The following GRM7 variants were observed in gnomAD, a reference collection of about 807,000 sequenced individuals.
The protein encoded by GRM7 is glutamate metabotropic receptor 7, also known as metabotropic glutamate receptor 7.
Under a neutral mutation model 84.5 loss-of-function variants are expected in GRM7, and 35 were observed. That is an observed-to-expected ratio of 0.41 (90% CI 0.32 to 0.55). The LOEUF is 0.55. Ranked by LOEUF, GRM7 falls within the 20% of genes least tolerant of loss-of-function variation. The probability of loss-of-function intolerance (pLI) is 0.19; values close to 1 mark genes in which losing one functional copy is unlikely to be tolerated. For synonymous variants in GRM7, 487 were observed against 455.1 expected (o/e 1.07, Z -0.89); for missense variants, 1,003 against 1,194.6 (o/e 0.84, Z 2.36).
At chr3:7,488,549 C>T (rs1426182561) in intron 7 of GRM7, among the ~76,000 whole-genome samples, 3 of 152,132 alleles carry the variant, frequency 2.0e-5, no homozygotes, top group African/African-American at 7.2e-5. Context: ...GGCTGGCCCT[C>T]GTATTTGCTC....
intron 1 of GRM7, among the ~76,000 whole-genome samples, chr3:7,093,637 A>G (rs1698746120): frequency 7.5e-6 from 1 of 133,168 alleles, no homozygotes; most frequent in Admixed American, 9.0e-5. Flanking sequence ...AGATCACACC[A>G]CTGCACTCCA....
intron 7 of GRM7, among the ~76,000 whole-genome samples, chr3:7,490,477 AC>A (rs1257608068): frequency 6.6e-6 from 1 of 152,174 alleles, no homozygotes; most frequent in Non-Finnish European, 1.5e-5. Context: ...ATATTCTCTA[AC>A]TGGAAACTGA....
chr3:7,731,307 G>A (rs1039540943), intron 9 of GRM7, among the ~76,000 whole-genome samples: 16 of 151,932 alleles, frequency 1.1e-4, no homozygotes, highest in African/African-American at 3.9e-4. Flanking sequence ...AAAAAGGGAT[G>A]GAAAAAAAGG....
At chr3:7,679,786 A>C (rs2125140188) in intron 8 of GRM7, among the ~76,000 whole-genome samples, 1 of 152,336 alleles carries the variant, frequency 6.6e-6, no homozygotes, top group Non-Finnish European at 1.5e-5. Flanking sequence ...AAATATGATT[A>C]AAGGTTTACT....
intron 1 of GRM7, among the ~76,000 whole-genome samples, chr3:6,938,402 C>T (rs1484980488): frequency 6.6e-6 from 1 of 152,196 alleles, no homozygotes; most frequent in Non-Finnish European, 1.5e-5. Context: ...CCAGCTGTAA[C>T]TCCACTGCTC....
intron 4 of GRM7, among the ~76,000 whole-genome samples, chr3:7,394,681 C>A (rs1429452245): frequency 3.3e-5 from 5 of 151,978 alleles, no homozygotes; most frequent in African/African-American, 1.2e-4. Flanking sequence ...TATGATTTTT[C>A]AGCAACTTCG....
chr3:7,644,705 G>T (rs4686145), intron 8 of GRM7, among the ~76,000 whole-genome samples: 20,279 of 152,146 alleles, frequency 0.13, 1,706 homozygotes, highest in African/African-American at 0.23. Context: ...CATAGAAAAT[G>T]TTTTAGCCTC....
intron 1 of GRM7, among the ~76,000 whole-genome samples, chr3:7,090,105 A>G (rs1384098823): frequency 6.6e-6 from 1 of 152,178 alleles, no homozygotes; most frequent in East Asian, 1.9e-4. Flanking sequence ...AGCCTCCTAC[A>G]GTACTGGGAT....
At chr3:6,877,852 C>CAT (rs1322993182) in intron 1 of GRM7, among the ~76,000 whole-genome samples, 1 of 132,244 alleles carries the variant, frequency 7.6e-6, no homozygotes, top group Non-Finnish European at 1.6e-5. Flanking sequence ...CACACACACA[C>CAT]ATATGACTTC....
intron 1 of GRM7, among the ~76,000 whole-genome samples, chr3:7,143,245 A>T (rs948418590): frequency 1.3e-5 from 2 of 152,202 alleles, no homozygotes; most frequent in Non-Finnish European, 2.9e-5. Flanking sequence ...TTTAACATTA[A>T]CTTGAAAGCA....
chr3:6,898,531 A>T (rs998100596), intron 1 of GRM7, among the ~76,000 whole-genome samples: 4 of 152,160 alleles, frequency 2.6e-5, no homozygotes, highest in Non-Finnish European at 5.9e-5. Flanking sequence ...ATAACATCAG[A>T]GTTCCCTCCT....
chr3:7,306,659 G>T lies in GRM7; in HGVS notation c.1033+7G>T, dbSNP rs551795989. 290 of 1,583,280 alleles carry T rather than the reference G, an allele frequency of 1.8e-4. 2 individuals are homozygous for T. In the South Asian group the frequency reaches 3.1e-3, roughly 17 times the overall value. ...AAGCGAGCCACGGTGGAAGGTATGG[G>T]TTTCATCAGCAGTAGGTTTGCTGAG... On this transcript the variant is annotated splice_region_variant and intron_variant, in intron 4 of 9. Coordinates refer to ENST00000357716, the MANE Select transcript of GRM7 (RefSeq NM_000844.4).
chr3:7,557,888 G>A (rs930444400), intron 7 of GRM7, among the ~76,000 whole-genome samples: 5 of 152,132 alleles, frequency 3.3e-5, no homozygotes, highest in African/African-American at 1.2e-4. Flanking sequence ...GTGACCCTCA[G>A]AAATAAGCAG....
intron 2 of GRM7, among the ~76,000 whole-genome samples, chr3:7,149,795 TG>T (rs1694226193): frequency 6.6e-6 from 1 of 152,208 alleles, no homozygotes; most frequent in Non-Finnish European, 1.5e-5. Flanking sequence ...TATAAGATGG[TG>T]CATGGGGAAG....
At chr3:7,439,334 T>A (rs1385370287) in intron 5 of GRM7, among the ~76,000 whole-genome samples, 1 of 152,220 alleles carries the variant, frequency 6.6e-6, no homozygotes, top group African/African-American at 2.4e-5. Context: ...CCAGGCTTTC[T>A]AAGGTCGGAG....
intron 5 of GRM7, among the ~76,000 whole-genome samples, chr3:7,438,749 G>T (rs1397950932): frequency 1.3e-5 from 2 of 152,136 alleles, no homozygotes; most frequent in African/African-American, 4.8e-5. Flanking sequence ...GATGTCAAAA[G>T]GTAAGAGAGC....
chr3:7,106,502 A>G (rs1425947687), intron 1 of GRM7, among the ~76,000 whole-genome samples: 1 of 152,050 alleles, frequency 6.6e-6, no homozygotes, highest in Non-Finnish European at 1.5e-5. Context: ...ATAATTTTTA[A>G]GAAAACAGCT....
At chr3:7,495,325 C>T (rs916884181) in intron 7 of GRM7, among the ~76,000 whole-genome samples, 1 of 152,062 alleles carries the variant, frequency 6.6e-6, no homozygotes, top group Non-Finnish European at 1.5e-5. Context: ...CTCCTCAAAC[C>T]CTGGTTTCTC....
At chr3:7,407,889 CT>C (rs1235195635) in intron 4 of GRM7, among the ~76,000 whole-genome samples, 1 of 152,172 alleles carries the variant, frequency 6.6e-6, no homozygotes, top group Non-Finnish European at 1.5e-5. Flanking sequence ...TTATTGTTCT[CT>C]CTTTTCCTCA....
Sources: gnomAD v4.1 joint callset for allele counts (sites outside exome capture counted in the v4.1 genomes callset) on GRCh38, gnomAD v4.1.1 for gene constraint, MANE v1.5 for transcripts, NCBI Gene and HGNC (gene_info 2026-07-23, HGNC 2026-07-21) for gene names.